Variants in FGD4 observed in about 807,000 individuals in gnomAD.
FGD4 encodes FYVE, RhoGEF and PH domain-containing protein 4.
FGD4 carries 42 observed loss-of-function variants against 102.0 expected under a neutral mutation model. That is an observed-to-expected ratio of 0.41 (90% CI 0.32 to 0.53). FGD4 has a LOEUF of 0.53. FGD4 is among the 20% of genes least tolerant of loss of function. The pLI is 0.21. For synonymous variants in FGD4, 380 were observed against 375.7 expected, an observed-to-expected ratio of 1.01 and a Z score of -0.13; for missense variants, 902 against 1,078.2, an observed-to-expected ratio of 0.84 and a Z score of 2.29.
intron 1 of FGD4, among the ~76,000 whole-genome samples, chr12:32,436,500 C>G (rs1247998432): frequency 1.3e-5 from 2 of 152,226 alleles, no homozygotes; most frequent in Admixed American, 1.3e-4. Context: ...TGGCAAGCCT[C>G]AGGTTTCAGA....
At chr12:32,573,155 G>A (rs1337244063) in intron 2 of FGD4, among the ~76,000 whole-genome samples, 1 of 152,122 alleles carries the variant, frequency 6.6e-6, no homozygotes, top group Non-Finnish European at 1.5e-5. Flanking sequence ...GAGTGCAGTG[G>A]CGCGATCTCG....
intron 15 of FGD4, among the ~76,000 whole-genome samples, chr12:32,634,631 T>C (rs1565934264): frequency 6.6e-6 from 1 of 152,178 alleles, no homozygotes; most frequent in East Asian, 1.9e-4. Flanking sequence ...GGAAAGTCTA[T>C]AGAAGAATAG....
At chr12:32,604,378 G>A (rs897173966) in intron 7 of FGD4, among the ~76,000 whole-genome samples, 1 of 151,806 alleles carries the variant, frequency 6.6e-6, no homozygotes, top group African/African-American at 2.4e-5. Flanking sequence ...TTTTGGAAAT[G>A]GTGTCTTGCT....
intron 1 of FGD4, among the ~76,000 whole-genome samples, chr12:32,431,134 A>G (rs908397087): frequency 6.6e-6 from 1 of 152,210 alleles, no homozygotes; most frequent in Non-Finnish European, 1.5e-5. Context: ...AGGAATAGAA[A>G]ATTAAAAATC....
At chr12:32,491,368 A>T (rs2389037) in intron 1 of FGD4, among the ~76,000 whole-genome samples, 48,392 of 151,934 alleles carry the variant, frequency 0.32, 7,830 homozygotes, top group East Asian at 0.45. Context: ...ACACTTTGAC[A>T]ATCATTGTCT....
intron 1 of FGD4, among the ~76,000 whole-genome samples, chr12:32,451,213 A>G (rs1162163966): frequency 6.6e-6 from 1 of 152,260 alleles, no homozygotes; most frequent in Non-Finnish European, 1.5e-5. Context: ...CTTAACTACT[A>G]TAGTGATGAA....
In FGD4 at chr12:32,640,598, T is replaced by G; in HGVS notation, c.*65T>G. On this transcript the variant is annotated 3_prime_UTR_variant, in exon 17 of 17. Coordinates refer to ENST00000534526, the MANE Select transcript of FGD4 (RefSeq NM_001370298.3). ...TTACAGCTCAAGACATTCCCAGCTCTTCTTACACATCTGCTAGCACTTTAT... is the reference window on the plus strand; with the variant it reads ...TTACAGCTCAAGACATTCCCAGCTCGTCTTACACATCTGCTAGCACTTTAT... 1 of 1,608,282 alleles carries G rather than the reference T, an allele frequency of 6.2e-7. No individual in the cohort carries two copies. The highest frequency in any genetic ancestry group is 8.5e-7 in the Non-Finnish European group (1 of 1,177,048).
chr12:32,480,774 C>T (rs977631177), intron 1 of FGD4, among the ~76,000 whole-genome samples: 3 of 149,168 alleles, frequency 2.0e-5, no homozygotes, highest in South Asian at 4.2e-4. Context: ...GCTGGGATTA[C>T]AGGCGTGAGC....
intron 4 of FGD4, among the ~76,000 whole-genome samples, chr12:32,596,343 G>A (rs1947891620): frequency 6.6e-6 from 1 of 152,226 alleles, no homozygotes; most frequent in Non-Finnish European, 1.5e-5. Flanking sequence ...ATGCCAGGCA[G>A]AGAGGATGGA....
chr12:32,598,749 A>G (rs761785243), intron 5 of FGD4, among the ~76,000 whole-genome samples, 163 bp downstream of exon 5: 4 of 152,222 alleles, frequency 2.6e-5, no homozygotes, highest in Admixed American at 6.5e-5. Flanking sequence ...TTGTGAGTGA[A>G]TTCACTAGGT....
intron 10 of FGD4, among the ~76,000 whole-genome samples, 178 bp from the exon 11 acceptor site, chr12:32,619,520 T>C (rs1949668898): frequency 6.6e-6 from 1 of 151,764 alleles, no homozygotes; most frequent in Non-Finnish European, 1.5e-5. Context: ...TAGTCCCAGC[T>C]ACCCGGGAGG....
Position 32,624,976 on chromosome 12 carries a change from G to A in FGD4, c.1954G>A (p.Ala652Thr). 1 of 1,612,478 alleles carries A rather than the reference G, an allele frequency of 6.2e-7. No homozygotes were observed. Among genetic ancestry groups the A allele is most frequent in the South Asian group, 1.1e-5 (1 of 91,012 alleles). ...GCTTTGAATTTTACTTATACTTTAG[G>A]CCCTTCAAGAAACCATCGATGCTTT... ...SAQDKEEWIK[A>T]LQETIDAFHQ... Residue 652 changes from alanine to threonine, a missense_variant and splice_region_variant, in exon 13 of 17, where the codon GCC (alanine) becomes ACC (threonine). Transcript: ENST00000534526.
chr12:32,417,484 G>A (rs1210963369), intron 1 of FGD4, among the ~76,000 whole-genome samples: 1 of 151,854 alleles, frequency 6.6e-6, no homozygotes, highest in Non-Finnish European at 1.5e-5. Context: ...CTGAGACAGA[G>A]TCTCACTCTG....
At chr12:32,416,773 C>A (rs1941431177) in intron 1 of FGD4, among the ~76,000 whole-genome samples, 1 of 152,142 alleles carries the variant, frequency 6.6e-6, no homozygotes, top group Non-Finnish European at 1.5e-5. Flanking sequence ...AGTCTTTCTA[C>A]TTAAGAGTAT....
intron 7 of FGD4, 147 bp from the exon 8 acceptor site, chr12:32,607,809 TG>T: frequency 1.2e-6 from 1 of 814,754 alleles, no homozygotes; most frequent in Non-Finnish European, 2.0e-6. Context: ...ACACTGTGCC[TG>T]GCCAGAAATC....
chr12:32,493,139 A>G (rs555612298), intron 1 of FGD4, among the ~76,000 whole-genome samples: 1 of 152,364 alleles, frequency 6.6e-6, no homozygotes, highest in South Asian at 2.1e-4. Flanking sequence ...GTGGAAATCT[A>G]GCATCAAAGT....
chr12:32,443,918 A>T (rs1311785650), intron 1 of FGD4, among the ~76,000 whole-genome samples: 2 of 152,124 alleles, frequency 1.3e-5, no homozygotes, highest in East Asian at 3.8e-4. Flanking sequence ...TGTGATTTTT[A>T]AAAAATCGAC....
intron 15 of FGD4, among the ~76,000 whole-genome samples, chr12:32,635,013 A>G (rs1421563012): frequency 6.6e-6 from 1 of 152,154 alleles, no homozygotes. Context: ...CTAAAGAATC[A>G]GTAAGTATTT....
intron 1 of FGD4, among the ~76,000 whole-genome samples, chr12:32,552,255 A>T (rs1041815247): frequency 1.3e-5 from 2 of 151,742 alleles, no homozygotes; most frequent in Non-Finnish European, 2.9e-5. Flanking sequence ...TGTAATCTTT[A>T]TTTGTTTCTT....
Sources: gnomAD v4.1 joint callset for allele counts (sites outside exome capture counted in the v4.1 genomes callset) on GRCh38, gnomAD v4.1.1 for gene constraint, MANE v1.5 for transcripts, NCBI Gene and HGNC (gene_info 2026-07-23, HGNC 2026-07-21) for gene names.